Variants in VEPH1 observed in about 807,000 individuals in gnomAD.
The protein encoded by VEPH1 is ventricular zone-expressed PH domain-containing protein homolog 1.
VEPH1 carries 80 observed loss-of-function variants against 85.2 expected under a neutral mutation model. The ratio of observed to expected loss-of-function variants is 0.94; its 90% CI spans 0.78 to 1.13. The LOEUF (loss-of-function observed/expected upper bound fraction) is 1.13, where lower values mean the gene tolerates loss of function less well. Among genes scored for constraint, VEPH1 ranks in the 50% most tolerant of loss-of-function variants. VEPH1 has a pLI of 0.00. For synonymous variants in VEPH1, 297 were observed against 348.0 expected (o/e 0.85, Z 1.63); for missense variants, 955 against 980.5 (o/e 0.97, Z 0.35).
At chr3:157,369,180 G>A (rs376730210) in intron 7 of VEPH1, among the ~76,000 whole-genome samples, 1,391 of 42,750 alleles carry the variant, frequency 0.033, 58 homozygotes, top group Middle Eastern at 0.11. Flanking sequence ...AAAACCAAAT[G>A]AAAAAAAAAA....
At chr3:157,397,060 A>T (rs569183370) in intron 6 of VEPH1, among the ~76,000 whole-genome samples, 1 of 152,092 alleles carries the variant, frequency 6.6e-6, no homozygotes, top group South Asian at 2.1e-4. Flanking sequence ...TAGGGTTTTG[A>T]TCATTTTGGG....
intron 6 of VEPH1, among the ~76,000 whole-genome samples, chr3:157,396,799 T>A (rs1332493632): frequency 1.3e-5 from 2 of 152,202 alleles, no homozygotes; most frequent in Non-Finnish European, 2.9e-5. Flanking sequence ...GTTTGTTTTT[T>A]TTTCTTGTAA....
chr3:157,362,718 T>C (rs1240978458), intron 9 of VEPH1, among the ~76,000 whole-genome samples: 1 of 152,232 alleles, frequency 6.6e-6, no homozygotes, highest in Non-Finnish European at 1.5e-5. Flanking sequence ...TTTTGCCTAA[T>C]GTAGGCTAGT....
At chr3:157,439,713 C>T (rs1266630327) in intron 4 of VEPH1, among the ~76,000 whole-genome samples, 1 of 152,174 alleles carries the variant, frequency 6.6e-6, no homozygotes, top group Non-Finnish European at 1.5e-5. Context: ...GAGGAAATCA[C>T]TTAATTCGAT....
chr3:157,385,989 T>G (rs78813042), intron 6 of VEPH1, among the ~76,000 whole-genome samples: 126 of 152,284 alleles, frequency 8.3e-4, no homozygotes, highest in African/African-American at 2.8e-3. Context: ...CATTCACTAT[T>G]TTCACCACTG....
chr3:157,311,980 A>C (rs532172133), intron 11 of VEPH1, among the ~76,000 whole-genome samples: 2 of 152,314 alleles, frequency 1.3e-5, no homozygotes, highest in Admixed American at 1.3e-4. Flanking sequence ...ATATGTCTTT[A>C]GTGTCTTACA....
rs1720389494 is a variant in VEPH1, at chr3:157,313,647, T to C, written c.1984A>G (p.Met662Val). 6.2e-7 allele frequency: 1 copy of C among 1,614,156 alleles called. No individual in the cohort carries two copies. The highest frequency in any genetic ancestry group is 2.2e-5 in the East Asian group (1 of 44,870). ...GGAHSFETAM[M>V]ESTFPQQKDL... ...TTCTGCTGTGGAAACGTGGACTCCA[T>C]CATGGCAGTTTCAAAGCTGTGAGCA... The change falls in exon 11 of 14, where the codon ATG (methionine) becomes GTG (valine). Residue 662 changes from methionine (M) to valine (V), a missense_variant. By Grantham distance (21) the Met-to-Val change is conservative. Coordinates refer to ENST00000362010, the MANE Select transcript of VEPH1 (RefSeq NM_001167912.2).
chr3:157,324,326 G>A (rs1482546627), intron 9 of VEPH1, among the ~76,000 whole-genome samples: 1 of 152,080 alleles, frequency 6.6e-6, no homozygotes, highest in African/African-American at 2.4e-5. Flanking sequence ...CCAAAGTTCT[G>A]GGATTACAGG....
chr3:157,476,591 C>A (rs1208365531), intron 2 of VEPH1, among the ~76,000 whole-genome samples: 4 of 152,152 alleles, frequency 2.6e-5, no homozygotes, highest in Non-Finnish European at 5.9e-5. Flanking sequence ...AGCCACTCAA[C>A]CTTATATCCT....
At chr3:157,464,588 A>T (rs1322517052) in intron 3 of VEPH1, among the ~76,000 whole-genome samples, 2 of 152,228 alleles carry the variant, frequency 1.3e-5, no homozygotes, top group African/African-American at 4.8e-5. Flanking sequence ...TCGTGGGGAC[A>T]ATTTAGCTGT....
intron 11 of VEPH1, among the ~76,000 whole-genome samples, chr3:157,287,836 AT>A (rs1716978694): frequency 6.6e-6 from 1 of 152,308 alleles, no homozygotes; most frequent in African/African-American, 2.4e-5. Context: ...AAAGGCTGGG[AT>A]TGCAGGCATG....
At chr3:157,273,710 G>T (rs1190118731) in intron 12 of VEPH1, among the ~76,000 whole-genome samples, 2 of 152,178 alleles carry the variant, frequency 1.3e-5, no homozygotes, top group East Asian at 3.9e-4. Flanking sequence ...GCACCATGCA[G>T]AGTGGAATGT....
At chr3:157,357,542 G>GCAAC (rs1725579732) in intron 9 of VEPH1, among the ~76,000 whole-genome samples, 1 of 152,034 alleles carries the variant, frequency 6.6e-6, no homozygotes, top group African/African-American at 2.4e-5. Flanking sequence ...GCCCAGGCTG[G>GCAAC]AGTGCAGCAG....
chr3:157,420,474 C>T (rs144481928), intron 5 of VEPH1, among the ~76,000 whole-genome samples: 161 of 152,288 alleles, frequency 1.1e-3, no homozygotes, highest in African/African-American at 3.7e-3. Context: ...TAAGAATCTA[C>T]TAATCTCTAG....
chr3:157,450,439 A>C (rs911692102), intron 4 of VEPH1, among the ~76,000 whole-genome samples: 1 of 151,588 alleles, frequency 6.6e-6, no homozygotes, highest in African/African-American at 2.4e-5. Flanking sequence ...TTCTGTTATA[A>C]CTTTCATTTA....
At chr3:157,493,107 G>A (rs1214031154) in intron 2 of VEPH1, 2 of 374,750 alleles carry the variant, frequency 5.3e-6, no homozygotes, top group South Asian at 4.0e-5. Flanking sequence ...TGATGGAGAT[G>A]CCATCAAGGT....
intron 2 of VEPH1, among the ~76,000 whole-genome samples, chr3:157,474,305 C>A (rs1737242757): frequency 6.6e-6 from 1 of 151,824 alleles, no homozygotes; most frequent in African/African-American, 2.4e-5. Flanking sequence ...CTCTTGTGAA[C>A]TAAATCCATT....
At chr3:157,373,306 C>T (rs1303487913) in intron 7 of VEPH1, among the ~76,000 whole-genome samples, 3 of 152,106 alleles carry the variant, frequency 2.0e-5, no homozygotes, top group East Asian at 1.9e-4. Flanking sequence ...TGATATAGCA[C>T]GGTAACCAAG....
In VEPH1 at chr3:157,261,907, C is replaced by G. The variant is rs191572718; in HGVS notation, c.2266-537G>C. On this transcript the variant is annotated intron_variant, in intron 13 of 13. Coordinates refer to ENST00000362010, the MANE Select transcript of VEPH1 (RefSeq NM_001167912.2). ...GAAATATTTAATGATGTTACATTTG[C>G]CTTTTATTAAAGCAAAAATTTAAGG... is the stretch of plus-strand genomic sequence containing the variant. Among the ~76,000 whole-genome samples the G allele has an allele frequency of 1.7e-3, 253 of 152,200 alleles. 2 individuals are homozygous for G. In the Middle Eastern group the frequency reaches 0.017, roughly 10 times the overall value.
Sources: allele counts gnomAD v4.1 joint callset (sites outside exome capture counted in the v4.1 genomes callset), GRCh38; gene constraint gnomAD v4.1.1; transcripts MANE v1.5; gene names NCBI Gene and HGNC (gene_info 2026-07-23, HGNC 2026-07-21).